Variants in DENND5A observed in about 807,000 individuals in gnomAD.
DENND5A encodes DENN domain containing 5A, also known as DENN domain-containing protein 5A.
A neutral mutation model predicts 140.3 loss-of-function variants in DENND5A; 64 were observed. That is an observed-to-expected ratio of 0.46 (90% CI 0.37 to 0.56). The LOEUF is 0.56. Ranked by LOEUF, DENND5A falls within the 20% of genes least tolerant of loss-of-function variation. The pLI is 0.00. For synonymous variants in DENND5A, 605 were observed against 607.7 expected (o/e 1.00, Z 0.07); for missense variants, 1,292 against 1,593.8 (o/e 0.81, Z 3.22).
chr11:9,163,915 G>C (rs1848081695), intron 11 of DENND5A, among the ~76,000 whole-genome samples: 1 of 112,178 alleles, frequency 8.9e-6, no homozygotes, highest in Non-Finnish European at 1.8e-5. Context: ...AAAATTGTAT[G>C]GAAAAAAAAA....
Position 9,165,691 on chromosome 11 carries a change from C to T in DENND5A, c.2283+145G>A. The T allele has an allele frequency of 3.1e-6, 3 of 981,086 alleles. No individual in the cohort carries two copies. The South Asian group carries it at 4.7e-5, about 15-fold the overall frequency. The allele number at this position is 981,086 out of a possible 1,614,324, so 60.8% of individuals were successfully genotyped here. On this transcript the variant is annotated intron_variant, in intron 11 of 22. Coordinates refer to ENST00000328194, the MANE Select transcript of DENND5A (RefSeq NM_015213.4). ...TCAAGCAATCCTCCTGCCATGGTCTCCCAAAGTGTTGGGATTACAGGCATG... is the reference window on the plus strand; with the variant it reads ...TCAAGCAATCCTCCTGCCATGGTCTTCCAAAGTGTTGGGATTACAGGCATG...
rs77699376 is a variant in DENND5A at position 9,246,041 on chromosome 11, G to A, written c.109+18920C>T. On this transcript the variant is annotated intron_variant, in intron 1 of 22. Coordinates refer to ENST00000328194, the MANE Select transcript of DENND5A (RefSeq NM_015213.4). ...GCCTACCTGACTCTGAGATGGAGCC[G>A]GGACCCCTTTTTTAGGGCCTGCAGA... 4.6e-3 allele frequency among the ~76,000 whole-genome samples: 707 copies of A among 152,160 alleles called. 1 individual carries two copies. Among genetic ancestry groups the A allele is most frequent in the African/African-American group, 0.012 (512 of 41,494 alleles).
chr11:9,231,102 G>A (rs1408422605), intron 1 of DENND5A, among the ~76,000 whole-genome samples: 1 of 152,150 alleles, frequency 6.6e-6, no homozygotes, highest in Non-Finnish European at 1.5e-5. Flanking sequence ...GAGCATAAGA[G>A]GTACTCAACA....
At chr11:9,160,948 A>G (rs1847962455) in intron 11 of DENND5A, 83 bp from the exon 12 acceptor site, 2 of 1,364,930 alleles carry the variant, frequency 1.5e-6, no homozygotes, top group East Asian at 2.3e-5. Flanking sequence ...CAGCCTGCAC[A>G]GTACATCTGT....
intron 8 of DENND5A, among the ~76,000 whole-genome samples, chr11:9,174,535 A>G (rs1428376392): frequency 6.1e-5 from 9 of 147,626 alleles, no homozygotes; most frequent in Non-Finnish European, 1.0e-4. Context: ...TTTTTTTTAG[A>G]AAAAAAAATT....
intron 1 of DENND5A, among the ~76,000 whole-genome samples, chr11:9,243,850 C>T (rs1851350186): frequency 6.6e-6 from 1 of 152,160 alleles, no homozygotes; most frequent in Non-Finnish European, 1.5e-5. Context: ...CACACCACTG[C>T]ACTCCAGCCT....
chr11:9,201,335 A>T (rs998172577), intron 4 of DENND5A, among the ~76,000 whole-genome samples: 1 of 151,704 alleles, frequency 6.6e-6, no homozygotes, highest in African/African-American at 2.4e-5. Flanking sequence ...TTATTGTGCC[A>T]CTACACTCTA....
At chr11:9,238,162 A>C (rs999575439) in intron 1 of DENND5A, among the ~76,000 whole-genome samples, 2 of 152,192 alleles carry the variant, frequency 1.3e-5, no homozygotes, top group Non-Finnish European at 2.9e-5. Context: ...ACTCTTAACT[A>C]AGATCGATGG....
chr11:9,180,074 T>C (rs1276612072), intron 6 of DENND5A, among the ~76,000 whole-genome samples: 1 of 152,176 alleles, frequency 6.6e-6, no homozygotes, highest in Admixed American at 6.5e-5. Flanking sequence ...GCAAAACACT[T>C]AGGCTCTCTA....
intron 14 of DENND5A, 102 bp from the exon 15 acceptor site, chr11:9,150,311 T>C (rs1847573410): frequency 1.4e-6 from 2 of 1,384,810 alleles, no homozygotes; most frequent in Non-Finnish European, 2.0e-6. Context: ...GAGACAGACT[T>C]ATCTCACCCT....
Position 9,178,972 on chromosome 11 carries a change from A to C in DENND5A, c.1557T>G (p.Val519=). The stretch of plus-strand genomic sequence containing the variant: ...ACATCTGAGTGAAACGATTTGCAAA[A>C]ACTTCCCGGATCTGAATGTTTAGCT... ...IYQLNIQIRE[V]FANRFTQMFA... Residue 519 remains valine, a synonymous_variant, in exon 7 of 23, where the codon GTT becomes GTG. Transcript: ENST00000328194. The C allele has an allele frequency of 1.9e-6, 3 of 1,614,116 alleles. No individual in the cohort carries two copies. Among genetic ancestry groups the C allele is most frequent in the Non-Finnish European group, 2.5e-6 (3 of 1,180,002 alleles).
chr11:9,234,544 C>T (rs556795252), intron 1 of DENND5A, among the ~76,000 whole-genome samples: 1 of 152,290 alleles, frequency 6.6e-6, no homozygotes, highest in African/African-American at 2.4e-5. Flanking sequence ...CATAAACTGG[C>T]CCCAAAACTG....
Position 9,168,764 on chromosome 11 carries a change from G to A in DENND5A, c.2151+1092C>T, listed in dbSNP as rs539757006. On this transcript the variant is annotated intron_variant, in intron 10 of 22. Transcript: ENST00000328194. ...TATGTTATTTATTTTCCAATTCACT[G>A]AGCTGCCAGACACATGAAAACAGTA... 7.9e-5 allele frequency among the ~76,000 whole-genome samples: 12 copies of A among 152,226 alleles called. No homozygotes were observed. In the South Asian group the frequency reaches 1.9e-3, roughly 24 times the overall value.
intron 1 of DENND5A, among the ~76,000 whole-genome samples, chr11:9,209,958 T>C (rs929660608): frequency 4.0e-5 from 6 of 151,828 alleles, no homozygotes; most frequent in African/African-American, 1.5e-4. Context: ...AATACAAAAA[T>C]TAGCCAGGCG....
intron 4 of DENND5A, among the ~76,000 whole-genome samples, chr11:9,194,593 G>C (rs1351873345): frequency 6.6e-6 from 1 of 151,470 alleles, no homozygotes; most frequent in Non-Finnish European, 1.5e-5. Flanking sequence ...GGCTTCCCTA[G>C]AACTTGAAAG....
chr11:9,240,392 GT>G (rs1159419191), intron 1 of DENND5A, among the ~76,000 whole-genome samples: 5 of 151,942 alleles, frequency 3.3e-5, no homozygotes, highest in African/African-American at 1.2e-4. Context: ...TGAAAACTCC[GT>G]CTCAAAAACA....
At chr11:9,221,261 T>C (rs994288318) in intron 1 of DENND5A, among the ~76,000 whole-genome samples, 1 of 148,288 alleles carries the variant, frequency 6.7e-6, no homozygotes, top group African/African-American at 2.5e-5. Flanking sequence ...TGAAACCCTG[T>C]CTCTACTAAA....
chr11:9,259,514 C>T (rs1476198571), intron 1 of DENND5A, among the ~76,000 whole-genome samples: 2 of 151,144 alleles, frequency 1.3e-5, no homozygotes, highest in African/African-American at 4.9e-5. Flanking sequence ...TGCAGTGAGC[C>T]GAGATCGTGC....
rs1351953981 is a variant in DENND5A at position 9,160,643 on chromosome 11, G to A, written c.2436+70C>T. 4.8e-6 allele frequency: 7 copies of A among 1,445,584 alleles called. No individual in the cohort carries two copies. In the African/African-American group the frequency reaches 7.0e-5, roughly 14 times the overall value. The allele number at this position is 1,445,584 out of a possible 1,614,324, so 89.5% of individuals were successfully genotyped here. A position where few individuals can be genotyped will look rare whatever the true frequency, so the allele number is the denominator to read the frequency against. ...AAAGCCAGTCAGCTGGACAAAAAGA[G>A]TGTGGGAAAGCTAGTAACTGAAAAC... On this transcript the variant is annotated intron_variant, in intron 12 of 22. Coordinates refer to ENST00000328194, the MANE Select transcript of DENND5A (RefSeq NM_015213.4).
Sources: allele counts gnomAD v4.1 joint callset (sites outside exome capture counted in the v4.1 genomes callset), GRCh38; gene constraint gnomAD v4.1.1; transcripts MANE v1.5; gene names NCBI Gene and HGNC (gene_info 2026-07-23, HGNC 2026-07-21).